CNBD1: variants seen among roughly 807,000 people sequenced by gnomAD.
CNBD1 encodes the protein cyclic nucleotide-binding domain-containing protein 1.
Under a neutral mutation model 54.4 loss-of-function variants are expected in CNBD1, and 71 were observed. The ratio of observed to expected loss-of-function variants is 1.30; its 90% CI spans 1.08 to 1.59. The LOEUF is 1.59. Ranked by LOEUF, CNBD1 falls within the 40% of genes most tolerant of loss-of-function variation. The pLI is 0.00. For missense variants in CNBD1, 659 were observed against 518.0 expected, an observed-to-expected ratio of 1.27 and a Z score of -2.64; for synonymous variants, 182 against 170.7, an observed-to-expected ratio of 1.07 and a Z score of -0.51.
chr8:86,904,263 T>C (rs897759013), intron 2 of CNBD1, among the ~76,000 whole-genome samples: 2 of 152,088 alleles, frequency 1.3e-5, no homozygotes, highest in African/African-American at 4.8e-5. Flanking sequence ...TGAAGTATGA[T>C]AATTTTTTAT....
chr8:87,197,390 TGATAC>T (rs1813744803), intron 4 of CNBD1, among the ~76,000 whole-genome samples: 1 of 152,224 alleles, frequency 6.6e-6, no homozygotes, highest in South Asian at 2.1e-4. Flanking sequence ...CTCCCAAGGA[TGATAC>T]ACACAGGGGT....
At chr8:87,158,521 C>T (rs1812790897) in intron 4 of CNBD1, among the ~76,000 whole-genome samples, 1 of 152,138 alleles carries the variant, frequency 6.6e-6, no homozygotes, top group Non-Finnish European at 1.5e-5. Flanking sequence ...CTTTCCTTTC[C>T]TCATTACTTT....
intron 8 of CNBD1, among the ~76,000 whole-genome samples, chr8:87,336,626 G>C (rs1340363664): frequency 6.6e-6 from 1 of 151,924 alleles, no homozygotes; most frequent in Non-Finnish European, 1.5e-5. Context: ...CAGCTTTTTT[G>C]CATAGGTTTA....
In CNBD1 at chr8:87,206,242, G is replaced by C; in HGVS notation, c.577+104G>C. 7 of 922,524 alleles carry C rather than the reference G, an allele frequency of 7.6e-6. No individual in the cohort carries two copies. In the South Asian group the frequency reaches 1.7e-4, roughly 22 times the overall value. 57.1% of individuals were successfully genotyped at this position (922,524 alleles called of 1,614,324 possible). ...ATAATTTCACTTAACAATTTCAGTT[G>C]ACATGGTAAAAATGTACTATTTGGG... On this transcript the variant is annotated intron_variant, in intron 5 of 10. Coordinates refer to ENST00000518476, the MANE Select transcript of CNBD1 (RefSeq NM_173538.3).
intron 8 of CNBD1, among the ~76,000 whole-genome samples, chr8:87,314,956 G>A (rs1016623249): frequency 6.6e-6 from 1 of 151,984 alleles, no homozygotes; most frequent in African/African-American, 2.4e-5. Context: ...AAATTCATTA[G>A]CCCAACGTAA....
At chr8:87,201,198 T>C (rs1813852542) in intron 4 of CNBD1, among the ~76,000 whole-genome samples, 1 of 151,866 alleles carries the variant, frequency 6.6e-6, no homozygotes, top group Non-Finnish European at 1.5e-5. Flanking sequence ...CCATTCATGA[T>C]GAAAAAAAGT....
chr8:87,267,950 A>T (rs10092243), intron 6 of CNBD1, among the ~76,000 whole-genome samples: 93,556 of 151,972 alleles, frequency 0.62, 29,050 homozygotes, highest in Middle Eastern at 0.68. Context: ...TTTGTTTAGT[A>T]GTATTCTGTT....
At chr8:87,377,649 G>A (rs995237716) in intron 10 of CNBD1, among the ~76,000 whole-genome samples, 20 of 149,032 alleles carry the variant, frequency 1.3e-4, no homozygotes, top group African/African-American at 4.3e-4. Flanking sequence ...ATGATTTATA[G>A]TCCTTTGGGT....
chr8:87,349,244 A>C (rs1290915294), intron 8 of CNBD1, among the ~76,000 whole-genome samples: 1 of 152,228 alleles, frequency 6.6e-6, no homozygotes, highest in Non-Finnish European at 1.5e-5. Context: ...ATAAGTTCTT[A>C]AAAATGGAAA....
chr8:86,949,612 T>C (rs1807553408), intron 4 of CNBD1, among the ~76,000 whole-genome samples: 1 of 152,150 alleles, frequency 6.6e-6, no homozygotes, highest in African/African-American at 2.4e-5. Flanking sequence ...TCTAATCATT[T>C]TAGGGGGGAG....
At chr8:87,315,791 G>A (rs1809373259) in intron 8 of CNBD1, among the ~76,000 whole-genome samples, 1 of 152,028 alleles carries the variant, frequency 6.6e-6, no homozygotes, top group African/African-American at 2.4e-5. Flanking sequence ...GCGTTTGATA[G>A]CACAGTAGGG....
rs180679735 is a variant in CNBD1, at chr8:86,957,089, G to T, written c.431+17335G>T. Reference sequence around the variant, plus strand: ...TTTTTCTGCATCTGTTGAAATAATCGTGTGTTTTGTCTTTGGTTCTGTTTA... The same window carrying T: ...TTTTTCTGCATCTGTTGAAATAATCTTGTGTTTTGTCTTTGGTTCTGTTTA... On this transcript the variant is annotated intron_variant, in intron 4 of 10. Coordinates refer to ENST00000518476, the MANE Select transcript of CNBD1 (RefSeq NM_173538.3). 2.0e-3 allele frequency among the ~76,000 whole-genome samples: 298 copies of T among 152,104 alleles called. 1 individual carries two copies. The highest frequency in any genetic ancestry group is 6.8e-3 in the African/African-American group (283 of 41,524).
In CNBD1 at chr8:87,137,163, ATTAT is replaced by A. The variant is rs1372049201; in HGVS notation, c.432-68829_432-68826del. 2.0e-4 allele frequency among the ~76,000 whole-genome samples: 28 copies of A among 141,228 alleles called. 2 individuals carry two copies. Among genetic ancestry groups the A allele is most frequent in the Non-Finnish European group, 3.5e-4 (23 of 66,000 alleles). 92.7% of individuals were successfully genotyped at this position (141,228 alleles called of 152,430 possible). ...ATATATATATTTTTATTCTATATAA[ATTAT>A]ATATATTATATTTTTATTCTATATA... On this transcript the variant is annotated intron_variant, in intron 4 of 10. Coordinates refer to ENST00000518476, the MANE Select transcript of CNBD1 (RefSeq NM_173538.3).
chr8:87,418,680 T>G (rs569939321), intron 2 of CNBD1, among the ~76,000 whole-genome samples: 2 of 152,004 alleles, frequency 1.3e-5, no homozygotes, highest in South Asian at 4.1e-4. Context: ...AAAAATACCT[T>G]ATTTAAAAAT....
intron 2 of CNBD1, among the ~76,000 whole-genome samples, chr8:86,888,457 G>A (rs1423319902): frequency 1.3e-5 from 2 of 151,994 alleles, no homozygotes; most frequent in Admixed American, 6.6e-5. Context: ...GAGACCTATT[G>A]CCTGATGTGA....
intron 6 of CNBD1, among the ~76,000 whole-genome samples, chr8:87,241,275 T>TG (rs1807697384): frequency 7.2e-6 from 1 of 139,650 alleles, no homozygotes. Flanking sequence ...AAGATTTTTT[T>TG]TTTTTTTTTT....
intron 4 of CNBD1, among the ~76,000 whole-genome samples, chr8:86,989,096 T>A (rs183060544): frequency 9.2e-5 from 14 of 151,972 alleles, no homozygotes; most frequent in Admixed American, 2.6e-4. Context: ...CATAGTGAGA[T>A]TGTGACTCTA....
intron 10 of CNBD1, among the ~76,000 whole-genome samples, chr8:87,374,514 G>C (rs1214941257): frequency 6.6e-6 from 1 of 151,718 alleles, no homozygotes; most frequent in African/African-American, 2.4e-5. Flanking sequence ...TACCCAGTTG[G>C]GTTCTAGACT....
At chr8:87,276,894 C>CT (rs1226905361) in intron 6 of CNBD1, among the ~76,000 whole-genome samples, 1 of 151,492 alleles carries the variant, frequency 6.6e-6, no homozygotes, top group Non-Finnish European at 1.5e-5. Flanking sequence ...CACCATGAAT[C>CT]TGAGTTTAGT....
Sources: gnomAD v4.1 joint callset for allele counts (sites outside exome capture counted in the v4.1 genomes callset) on GRCh38, gnomAD v4.1.1 for gene constraint, MANE v1.5 for transcripts, NCBI Gene and HGNC (gene_info 2026-07-23, HGNC 2026-07-21) for gene names.